TYW1B: variants seen among roughly 807,000 people sequenced by gnomAD.
TYW1B encodes the protein tRNA-yW synthesizing protein 1 homolog B.
Under a neutral mutation model 86.9 loss-of-function variants are expected in TYW1B, and 73 were observed. The ratio of observed to expected loss-of-function variants is 0.84; its 90% confidence interval spans 0.70 to 1.02. TYW1B has a LOEUF of 1.02. Among genes scored for constraint, TYW1B ranks in the 50% least tolerant of loss-of-function variants. The pLI, the probability that TYW1B is intolerant of heterozygous loss-of-function variation, is 0.00. For missense variants in TYW1B, 637 were observed against 827.4 expected, an observed-to-expected ratio of 0.77 and a Z score of 2.82; for synonymous variants, 248 against 292.8, an observed-to-expected ratio of 0.85 and a Z score of 1.56.
intron 11 of TYW1B, among the ~76,000 whole-genome samples, chr7:72,690,226 C>T (rs1291142366): frequency 4.6e-5 from 7 of 152,206 alleles, no homozygotes; most frequent in Admixed American, 2.6e-4. Context: ...AGCAGAAACA[C>T]ATCTGGTCAC....
intron 11 of TYW1B, among the ~76,000 whole-genome samples, chr7:72,680,040 G>T (rs1222904740): frequency 6.6e-6 from 1 of 152,164 alleles, no homozygotes; most frequent in African/African-American, 2.4e-5. Context: ...GAAGTGGGAG[G>T]ACTGCTTGAG....
intron 11 of TYW1B, among the ~76,000 whole-genome samples, chr7:72,652,809 A>G (rs1554443022): frequency 6.6e-6 from 1 of 152,254 alleles, no homozygotes; most frequent in African/African-American, 2.4e-5. Context: ...CAAGACCATG[A>G]GATGTAACCT....
At chr7:72,783,404 A>G (rs1305536021) in intron 6 of TYW1B, among the ~76,000 whole-genome samples, 3 of 151,518 alleles carry the variant, frequency 2.0e-5, no homozygotes, top group African/African-American at 7.3e-5. Flanking sequence ...AAAAAAAGAA[A>G]CTTTTATTCA....
chr7:72,803,739 G>C (rs1563099572), intron 5 of TYW1B, among the ~76,000 whole-genome samples: 1 of 151,804 alleles, frequency 6.6e-6, no homozygotes, highest in Admixed American at 6.6e-5. Flanking sequence ...TCAGCCTCCA[G>C]AGTAGCTGGG....
intron 11 of TYW1B, among the ~76,000 whole-genome samples, chr7:72,649,451 T>C (rs1162349081): frequency 2.6e-5 from 4 of 152,170 alleles, no homozygotes; most frequent in Non-Finnish European, 5.9e-5. Flanking sequence ...CAGAAGATCA[T>C]GTTATTGCCT....
At chr7:72,581,598 A>G (rs1407322879) in intron 13 of TYW1B, among the ~76,000 whole-genome samples, 1 of 151,884 alleles carries the variant, frequency 6.6e-6, no homozygotes, top group Non-Finnish European at 1.5e-5. Flanking sequence ...AGCTGGGATT[A>G]CAGGTGTGCA....
intron 2 of TYW1B, among the ~76,000 whole-genome samples, chr7:72,819,472 G>A (rs553334445): frequency 4.6e-5 from 7 of 152,212 alleles, no homozygotes; most frequent in South Asian, 4.2e-4. Flanking sequence ...TCACTCTGTC[G>A]CCCAGGCTGA....
At chr7:72,749,917 T>TG (rs1476218767) in intron 7 of TYW1B, among the ~76,000 whole-genome samples, 6 of 148,840 alleles carry the variant, frequency 4.0e-5, no homozygotes, top group Non-Finnish European at 6.0e-5. Context: ...TTTTTGTTTT[T>TG]TTTTTTTTTT....
intron 11 of TYW1B, among the ~76,000 whole-genome samples, chr7:72,680,567 C>T (rs1163330566): frequency 2.0e-5 from 3 of 152,162 alleles, no homozygotes; most frequent in Non-Finnish European, 2.9e-5. Flanking sequence ...CTTGGAACGG[C>T]TTCCTGGCAC....
intron 9 of TYW1B, among the ~76,000 whole-genome samples, chr7:72,716,755 C>A (rs1554456150): frequency 6.6e-6 from 1 of 151,904 alleles, no homozygotes; most frequent in East Asian, 1.9e-4. Context: ...TCTCCTGCCT[C>A]AGCCTCCTCA....
chr7:72,686,680 T>A (rs1563058844), intron 11 of TYW1B, among the ~76,000 whole-genome samples: 1 of 152,102 alleles, frequency 6.6e-6, no homozygotes, highest in Non-Finnish European at 1.5e-5. Flanking sequence ...ACCACAACAA[T>A]GAACCCTAAT....
At chr7:72,741,006 A>C (rs1554462221) in intron 8 of TYW1B, among the ~76,000 whole-genome samples, 1 of 152,076 alleles carries the variant, frequency 6.6e-6, no homozygotes, top group Non-Finnish European at 1.5e-5. Flanking sequence ...CTGGAATTAC[A>C]GGCATGAACC....
Position 72,575,646 on chromosome 7 carries a change from T to C in TYW1B, c.1859A>G (p.Asp620Gly). ...GCTGAACGTTTTTGATCCACCACTA[T>C]CTTCATATTCCTGGATGAGCTCCTG... ...RFQELIQEYEDSGGSKTFSAK... is the reference protein window; with the variant it reads ...RFQELIQEYEGSGGSKTFSAK... Residue 620 changes from aspartate (D) to glycine (G), a missense_variant, in exon 14 of 14, where the codon GAT becomes GGT. Transcript: ENST00000620995. The C allele has an allele frequency of 6.2e-7, 1 of 1,613,706 alleles. No homozygotes were observed. Among genetic ancestry groups the C allele is most frequent in the East Asian group, 2.2e-5 (1 of 44,844 alleles).
chr7:72,801,930 G>C (rs1235034203), intron 6 of TYW1B, among the ~76,000 whole-genome samples: 2 of 151,990 alleles, frequency 1.3e-5, no homozygotes, highest in Non-Finnish European at 2.9e-5. Context: ...TCTTCAAATA[G>C]CCCTGAATAA....
At chr7:72,707,020 AG>A in intron 10 of TYW1B, among the ~76,000 whole-genome samples, 1 of 152,332 alleles carries the variant, frequency 6.6e-6, no homozygotes, top group East Asian at 1.9e-4. Context: ...GAGCCCCAGT[AG>A]GTTCAAGGTT....
At chr7:72,781,236 C>G (rs1284035484) in intron 6 of TYW1B, among the ~76,000 whole-genome samples, 3 of 152,004 alleles carry the variant, frequency 2.0e-5, no homozygotes, top group Non-Finnish European at 4.4e-5. Flanking sequence ...AAAAGTCAAC[C>G]ACAAGCAGAA....
intron 11 of TYW1B, among the ~76,000 whole-genome samples, chr7:72,657,873 A>G (rs548315996): frequency 6.6e-6 from 1 of 152,332 alleles, no homozygotes; most frequent in East Asian, 1.9e-4. Flanking sequence ...ATCTACCATC[A>G]TAAAACTGTT....
intron 11 of TYW1B, among the ~76,000 whole-genome samples, chr7:72,675,147 C>G (rs1813705446): frequency 6.6e-6 from 1 of 151,912 alleles, no homozygotes. Context: ...ACCTGTAATC[C>G]CAGAACTTTG....
At chr7:72,653,851 G>A (rs1445878654) in intron 11 of TYW1B, among the ~76,000 whole-genome samples, 1 of 152,164 alleles carries the variant, frequency 6.6e-6, no homozygotes, top group Non-Finnish European at 1.5e-5. Context: ...GGAGGCCGAA[G>A]CGGGTGGATC....
Sources: gnomAD v4.1 joint callset for allele counts (sites outside exome capture counted in the v4.1 genomes callset) on GRCh38, gnomAD v4.1.1 for gene constraint, MANE v1.5 for transcripts, NCBI Gene and HGNC (gene_info 2026-07-23, HGNC 2026-07-21) for gene names.